Variants in TTC7A observed in about 807,000 individuals in gnomAD.
TTC7A encodes the protein tetratricopeptide repeat protein 7A.
In TTC7A, 110 loss-of-function variants were observed where a neutral mutation model predicts 103.7. The observed-to-expected ratio is 1.06, with a 90% CI of 0.91 to 1.24. TTC7A has a LOEUF of 1.24. TTC7A is among the 50% of genes most tolerant of loss of function. The probability of loss-of-function intolerance (pLI) is 0.00; values close to 1 mark genes in which losing one functional copy is unlikely to be tolerated. For missense variants in TTC7A, 1,340 were observed against 1,116.3 expected (o/e 1.20, Z -2.86); for synonymous variants, 521 against 467.9 (o/e 1.11, Z -1.47).
In TTC7A at chr2:46,923,441, G is replaced by A. The variant is rs547737094; in HGVS notation, c.82+6164G>A. On this transcript the variant is annotated intron_variant, in intron 2 of 20. Coordinates refer to the TTC7A transcript ENST00000409245. ...TGTGGAGTCTTTAAGGATTGTAGGA[G>A]TTGTATGCTAGAAAACAGGGTCAAA... Among the ~76,000 whole-genome samples, 7 of 152,328 alleles carry A rather than the reference G, an allele frequency of 4.6e-5. No homozygotes were observed. The South Asian group carries it at 1.4e-3, about 32-fold the overall frequency.
chr2:47,040,977 T>G (rs1000835732), intron 15 of TTC7A, among the ~76,000 whole-genome samples: 4 of 152,220 alleles, frequency 2.6e-5, no homozygotes, highest in Non-Finnish European at 4.4e-5. Flanking sequence ...GGCATAAATG[T>G]TGAAAGCTGC....
At chr2:47,014,275 G>A (rs1013812333) in intron 11 of TTC7A, among the ~76,000 whole-genome samples, 4 of 152,120 alleles carry the variant, frequency 2.6e-5, no homozygotes, top group East Asian at 1.9e-4. Flanking sequence ...AGTAACTGAC[G>A]AAGCGACACA....
At chr2:47,033,097 C>A (rs953842898) in intron 15 of TTC7A, among the ~76,000 whole-genome samples, 1 of 152,160 alleles carries the variant, frequency 6.6e-6, no homozygotes, top group Non-Finnish European at 1.5e-5. Context: ...CATTACAGGT[C>A]AGGGATCACT....
At chr2:47,069,563 A>G (rs980037763) in intron 19 of TTC7A, among the ~76,000 whole-genome samples, 14 of 152,182 alleles carry the variant, frequency 9.2e-5, no homozygotes, top group African/African-American at 2.4e-4. Flanking sequence ...CCCTCCCCAC[A>G]TCAGGGAAGT....
chr2:47,042,069 T>C (rs189240570), intron 15 of TTC7A, among the ~76,000 whole-genome samples: 4 of 152,012 alleles, frequency 2.6e-5, no homozygotes, highest in Non-Finnish European at 2.9e-5. Flanking sequence ...TAGAGACAAG[T>C]TATAGGAGGG....
chr2:46,994,580 G>T, intron 7 of TTC7A, 66 bp downstream of exon 7: 1 of 1,536,324 alleles, frequency 6.5e-7, no homozygotes, highest in Non-Finnish European at 8.9e-7. Flanking sequence ...TGTCCCCACT[G>T]GTGGCTTCCT....
intron 15 of TTC7A, chr2:47,035,191 T>C (rs1013747720): frequency 3.9e-5 from 6 of 152,236 alleles, no homozygotes; most frequent in Non-Finnish European, 8.8e-5. Context: ...AGTGTGTTTA[T>C]TTGATTGTTC....
intron 11 of TTC7A, among the ~76,000 whole-genome samples, chr2:47,019,756 G>A (rs1679077333): frequency 6.6e-6 from 1 of 152,180 alleles, no homozygotes; most frequent in Admixed American, 6.5e-5. Context: ...GAAGGACATG[G>A]CCGTGTATTC....
intron 15 of TTC7A, among the ~76,000 whole-genome samples, chr2:47,033,387 G>A (rs1680770847): frequency 6.6e-6 from 1 of 152,252 alleles, no homozygotes; most frequent in Non-Finnish European, 1.5e-5. Flanking sequence ...AGCCATCAGT[G>A]TTAGAGGCCA....
intron 2 of TTC7A, among the ~76,000 whole-genome samples, chr2:46,932,153 CTT>C (rs1173541336): frequency 1.7e-4 from 24 of 144,038 alleles, no homozygotes; most frequent in East Asian, 2.0e-4. Flanking sequence ...TTCTGGGATT[CTT>C]TTTTTTTTTT....
chr2:47,012,763 C>G (rs1558576604), intron 11 of TTC7A, among the ~76,000 whole-genome samples: 1 of 152,162 alleles, frequency 6.6e-6, no homozygotes, highest in Non-Finnish European at 1.5e-5. Flanking sequence ...TCCAGGGAGT[C>G]AGTCCTCCCA....
At chr2:46,938,986 G>A (rs1036094231), upstream of TTC7A, among the ~76,000 whole-genome samples, 2 of 150,656 alleles carry the variant, frequency 1.3e-5, no homozygotes, top group African/African-American at 4.9e-5. Context: ...ATTCCAGCCT[G>A]GGCAACAGAG....
intron 5 of TTC7A, among the ~76,000 whole-genome samples, chr2:46,987,809 C>CGTGTGTGTGTGTGTGTGTGTGTGTGT (rs34664382): frequency 6.9e-6 from 1 of 144,550 alleles, no homozygotes; most frequent in East Asian, 2.0e-4. Flanking sequence ...CCTTTCCGCG[C>CGTGTGTGTGTGTGTGTGTGTGTGTGT]GTGTGTGTGT....
At chr2:46,956,478 T>G in intron 2 of TTC7A, 2 of 231,646 alleles carry the variant, frequency 8.6e-6, no homozygotes, top group East Asian at 8.9e-5. Context: ...CCACTTGTGT[T>G]TAGAATAAAT....
At chr2:46,975,366 A>G (rs1399374373) in intron 4 of TTC7A, among the ~76,000 whole-genome samples, 2 of 152,048 alleles carry the variant, frequency 1.3e-5, no homozygotes, top group Admixed American at 1.3e-4. Context: ...AGGAGATTGA[A>G]TCATTTGCTC....
rs774859933 is a variant in TTC7A at position 47,051,847 on chromosome 2, T to C, written c.2119T>C (p.Trp707Arg). ...CCTGAAGCAGGGCCCCATGCAGCTG[T>C]GGACCACGCTGGAACAGATCTGGCT... ...SVLKQGPMQL[W>R]TTLEQIWLQA... Residue 707 changes from tryptophan to arginine, a missense_variant, in exon 18 of 20, where the codon TGG becomes CGG. Physicochemically the swap from Trp to Arg is moderately radical, Grantham distance 101. Coordinates refer to ENST00000319190, the MANE Select transcript of TTC7A (RefSeq NM_020458.4). 1.2e-6 allele frequency: 2 copies of C among 1,611,914 alleles called. No homozygotes were observed. The highest frequency in any genetic ancestry group is 2.2e-5 in the South Asian group (2 of 90,920).
intron 5 of TTC7A, among the ~76,000 whole-genome samples, chr2:46,981,690 G>T (rs1674480990): frequency 6.6e-6 from 1 of 152,242 alleles, no homozygotes; most frequent in African/African-American, 2.4e-5. Context: ...CTTGTATGGA[G>T]TGGGTCTCCA....
chr2:47,044,855 G>A (rs1334026320), intron 15 of TTC7A, among the ~76,000 whole-genome samples: 2 of 152,232 alleles, frequency 1.3e-5, no homozygotes, highest in African/African-American at 4.8e-5. Context: ...CAGAGAGTAA[G>A]GACATCAGAG....
At chr2:46,933,153 G>T (rs1037575085) in intron 2 of TTC7A, among the ~76,000 whole-genome samples, 1 of 152,126 alleles carries the variant, frequency 6.6e-6, no homozygotes, top group African/African-American at 2.4e-5. Flanking sequence ...TCTGGAGAGG[G>T]GCCCATTGTA....
Sources: allele counts gnomAD v4.1 joint callset (sites outside exome capture counted in the v4.1 genomes callset), GRCh38; gene constraint gnomAD v4.1.1; transcripts MANE v1.5; gene names NCBI Gene and HGNC (gene_info 2026-07-23, HGNC 2026-07-21).